Variants in FRMD3 observed in about 807,000 individuals in gnomAD.
FRMD3 encodes the protein FERM domain-containing protein 3.
Under a neutral mutation model 70.2 loss-of-function variants are expected in FRMD3, and 33 were observed. That is an observed-to-expected ratio of 0.47 (90% CI 0.36 to 0.63). The LOEUF (loss-of-function observed/expected upper bound fraction) is 0.63, where lower values mean the gene tolerates loss of function less well. FRMD3 is among the 20% of genes least tolerant of loss of function. FRMD3 has a pLI of 0.00. For synonymous variants in FRMD3, 279 were observed against 255.9 expected (o/e 1.09, Z -0.86); for missense variants, 632 against 711.4 (o/e 0.89, Z 1.27).
intron 1 of FRMD3, among the ~76,000 whole-genome samples, chr9:83,429,007 C>T (rs1368465876): frequency 6.6e-6 from 1 of 152,124 alleles, no homozygotes; most frequent in South Asian, 2.1e-4. Flanking sequence ...AAATAATGGA[C>T]GGCATGGCCT....
chr9:83,434,819 C>CCCCT (rs1827086409), intron 1 of FRMD3, among the ~76,000 whole-genome samples: 1 of 74,880 alleles, frequency 1.3e-5, no homozygotes, highest in Non-Finnish European at 2.3e-5. Flanking sequence ...CACCCCTCTG[C>CCCCT]TTTTTTTTTT....
the FRMD3 span, among the ~76,000 whole-genome samples, chr9:83,551,170 G>C: frequency 6.6e-6 from 1 of 152,144 alleles, no homozygotes; most frequent in Non-Finnish European, 1.5e-5. Context: ...AGTTTATTGA[G>C]AGTTTTTAAC....
intron 1 of FRMD3, among the ~76,000 whole-genome samples, chr9:83,447,531 G>A (rs74570629): frequency 0.12 from 18,284 of 152,252 alleles, 1,125 homozygotes; most frequent in East Asian, 0.14. Context: ...CCGAGGCACT[G>A]TGATGGCTCA....
chr9:83,445,593 C>T (rs1306280924), intron 1 of FRMD3, among the ~76,000 whole-genome samples: 3 of 152,136 alleles, frequency 2.0e-5, no homozygotes, highest in Admixed American at 6.5e-5. Flanking sequence ...AGGAAGGATG[C>T]CTCCTTATTT....
chr9:83,445,671 GA>G (rs1330971905), intron 1 of FRMD3, among the ~76,000 whole-genome samples: 1 of 152,188 alleles, frequency 6.6e-6, no homozygotes, highest in Non-Finnish European at 1.5e-5. Flanking sequence ...GTGGATTTAG[GA>G]AAATAGACAC....
chr9:83,278,796 G>A (rs548680758), intron 13 of FRMD3, among the ~76,000 whole-genome samples: 17 of 152,248 alleles, frequency 1.1e-4, no homozygotes, highest in African/African-American at 3.4e-4. Context: ...GGGTCAGGGC[G>A]GGGACCAGGG....
At chr9:83,254,888 C>T (rs534490403) in intron 13 of FRMD3, among the ~76,000 whole-genome samples, 3 of 152,162 alleles carry the variant, frequency 2.0e-5, no homozygotes, top group Admixed American at 6.5e-5. Context: ...AATAAATAGC[C>T]TACCAATATA....
the FRMD3 span, among the ~76,000 whole-genome samples, chr9:83,547,509 C>T: frequency 6.6e-6 from 1 of 151,708 alleles, no homozygotes; most frequent in Non-Finnish European, 1.5e-5. Context: ...ATATATGCCC[C>T]CAACAATGGA....
the FRMD3 span, among the ~76,000 whole-genome samples, chr9:83,544,290 C>A: frequency 6.6e-6 from 1 of 152,104 alleles, no homozygotes; most frequent in African/African-American, 2.4e-5. Flanking sequence ...CTGGTGCAGC[C>A]CCCTGACCCC....
chr9:83,501,603 C>T (rs1177864081), intron 1 of FRMD3, among the ~76,000 whole-genome samples: 1 of 152,156 alleles, frequency 6.6e-6, no homozygotes, highest in African/African-American at 2.4e-5. Flanking sequence ...TTGATAATTA[C>T]ATTATACAAA....
chr9:83,313,024 T>G (rs1835422742), intron 7 of FRMD3, among the ~76,000 whole-genome samples: 1 of 152,170 alleles, frequency 6.6e-6, no homozygotes, highest in Non-Finnish European at 1.5e-5. Context: ...GGCTGATGCA[T>G]AGTCTAATAT....
intron 1 of FRMD3, among the ~76,000 whole-genome samples, chr9:83,442,794 A>G (rs1010447517): frequency 7.3e-5 from 11 of 151,204 alleles, no homozygotes; most frequent in East Asian, 5.9e-4. Flanking sequence ...CCTCCCTTTC[A>G]TCTCCCCTCT....
At chr9:83,433,620 A>G (rs28675100) in intron 1 of FRMD3, among the ~76,000 whole-genome samples, 1,579 of 152,344 alleles carry the variant, frequency 0.01, 31 homozygotes, top group African/African-American at 0.036. Flanking sequence ...ACTTACCACA[A>G]TGTAGAATCA....
At chr9:83,243,310 C>CTACAGGGTGGAGA, downstream of FRMD3, 1 of 1,286,904 alleles carries the variant, frequency 7.8e-7, no homozygotes, top group Non-Finnish European at 1.1e-6. Context: ...CACATTGTCT[C>CTACAGGGTGGAGA]CACCCTGTAG....
intron 1 of FRMD3, among the ~76,000 whole-genome samples, chr9:83,391,842 G>C (rs918792461): frequency 1.3e-5 from 2 of 152,086 alleles, no homozygotes; most frequent in Non-Finnish European, 2.9e-5. Flanking sequence ...TGCTACTGAA[G>C]GTATAGCCTA....
At position 83,526,093 on chromosome 9, in the gene FRMD3, C is replaced by T. The variant is rs548771063; in HGVS notation, c.147+11992G>A. 3.3e-5 allele frequency among the ~76,000 whole-genome samples: 5 copies of T among 152,292 alleles called. No individual in the cohort carries two copies. In the South Asian group the frequency reaches 6.2e-4, roughly 19 times the overall value. On this transcript the variant is annotated intron_variant, in intron 1 of 13. Transcript: ENST00000304195. The stretch of plus-strand genomic sequence containing the variant: ...CGCCCTACAGGCACTTCAAAATCAA[C>T]GTACCCAAAATGGAACTCATTCTCT...
the FRMD3 span, among the ~76,000 whole-genome samples, chr9:83,555,377 AC>A: frequency 6.9e-6 from 1 of 145,306 alleles, no homozygotes; most frequent in African/African-American, 2.6e-5. Flanking sequence ...GGGATCAGGC[AC>A]CCACTTAAAG....
the FRMD3 span, among the ~76,000 whole-genome samples, chr9:83,554,573 C>G: frequency 1.4e-4 from 22 of 152,168 alleles, no homozygotes; most frequent in Non-Finnish European, 2.4e-4. Flanking sequence ...TGTGTGGGAC[C>G]CATGGGAGAC....
Position 83,248,433 on chromosome 9 carries a change from G to C in FRMD3, c.1279C>G (p.Pro427Ala), listed in dbSNP as rs1014433515. ...ATTTTATCTTCCTCTTCACTAGGGG[G>C]ATCTTCATACTCCCGGGCTGCCTTC... ...PVKAAREYED[P>A]PSEEEDKIKE... Residue 427 changes from proline (P) to alanine (A), a missense_variant, in exon 14 of 14, where the codon CCC becomes GCC. Pro to Ala is a conservative substitution (Grantham distance 27). This residue lies in a region of FRMD3 where 418 missense variants were observed against 442.1 expected (regional missense o/e 0.95). Transcript: ENST00000304195. 5 of 1,613,968 alleles carry C rather than the reference G, an allele frequency of 3.1e-6. No homozygotes were observed. The African/African-American group carries it at 6.7e-5, about 22-fold the overall frequency.
Sources: gnomAD v4.1 joint callset for allele counts (sites outside exome capture counted in the v4.1 genomes callset) on GRCh38, gnomAD v4.1.1 for gene constraint, gnomAD v4.1.1 regional missense constraint, MANE v1.5 for transcripts, NCBI Gene and HGNC (gene_info 2026-07-23, HGNC 2026-07-21) for gene names.